CLVS1: variants seen among roughly 807,000 people sequenced by gnomAD.
CLVS1 encodes clavesin 1.
CLVS1 carries 10 observed loss-of-function variants against 33.1 expected under a neutral mutation model. The ratio of observed to expected loss-of-function variants is 0.30; its 90% CI spans 0.19 to 0.51. The LOEUF is 0.51. Ranked by LOEUF, CLVS1 falls within the 20% of genes least tolerant of loss-of-function variation. The probability of loss-of-function intolerance (pLI) is 0.97; values close to 1 mark genes in which losing one functional copy is unlikely to be tolerated. For missense variants in CLVS1, 343 were observed against 433.4 expected (o/e 0.79, Z 1.85); for synonymous variants, 163 against 166.1 (o/e 0.98, Z 0.14).
At chr8:61,036,571 C>T in the CLVS1 span, among the ~76,000 whole-genome samples, 1 of 152,160 alleles carries the variant, frequency 6.6e-6, no homozygotes, top group African/African-American at 2.4e-5. Flanking sequence ...GCTTATTGTC[C>T]TCTCCTCCCC....
At chr8:61,375,442 G>A (rs1813606387) in intron 2 of CLVS1, among the ~76,000 whole-genome samples, 1 of 152,020 alleles carries the variant, frequency 6.6e-6, no homozygotes, top group South Asian at 2.1e-4. Context: ...GTCGAGACGG[G>A]GTTTCACCAT....
chr8:61,326,644 A>T (rs1478562277), intron 2 of CLVS1, among the ~76,000 whole-genome samples: 2 of 152,150 alleles, frequency 1.3e-5, no homozygotes, highest in Non-Finnish European at 2.9e-5. Flanking sequence ...GTCGCCTGAG[A>T]TGGGAGGAAT....
chr8:61,105,891 A>C (rs1805527562), intron 1 of CLVS1, among the ~76,000 whole-genome samples: 1 of 152,032 alleles, frequency 6.6e-6, no homozygotes, highest in Admixed American at 6.5e-5. Context: ...CGTTGAACAC[A>C]ACCGCTCCAG....
intron 1 of CLVS1, among the ~76,000 whole-genome samples, chr8:61,093,284 G>GA (rs1280606780): frequency 1.1e-4 from 16 of 152,046 alleles, no homozygotes. Flanking sequence ...GTTTGTGTGG[G>GA]AAAAATCATA....
the CLVS1 span, among the ~76,000 whole-genome samples, chr8:61,029,291 G>A: frequency 1.2e-4 from 19 of 152,254 alleles, no homozygotes; most frequent in Non-Finnish European, 1.8e-4. Context: ...ACCTGGTGTC[G>A]GTGAGGCATG....
intron 3 of CLVS1, 104 bp downstream of exon 3, chr8:61,376,883 A>G: frequency 9.2e-7 from 1 of 1,089,774 alleles, no homozygotes; most frequent in Non-Finnish European, 1.3e-6. Context: ...GAAAAAGGAA[A>G]CTTGGATTAA....
At chr8:61,313,661 C>T (rs1810918119) in intron 2 of CLVS1, among the ~76,000 whole-genome samples, 1 of 152,104 alleles carries the variant, frequency 6.6e-6, no homozygotes, top group South Asian at 2.1e-4. Context: ...GTGCAGGGGG[C>T]AGTGGTGTCC....
At chr8:61,348,404 A>C (rs1481959266) in intron 2 of CLVS1, among the ~76,000 whole-genome samples, 1 of 152,004 alleles carries the variant, frequency 6.6e-6, no homozygotes, top group Non-Finnish European at 1.5e-5. Context: ...TGGGTGCAGC[A>C]CACCAACATG....
intron 5 of CLVS1, among the ~76,000 whole-genome samples, chr8:61,481,230 A>G (rs1262397980): frequency 6.6e-6 from 1 of 152,028 alleles, no homozygotes; most frequent in Non-Finnish European, 1.5e-5. Flanking sequence ...TGTATAAAAA[A>G]TAAAATAGGG....
At chr8:61,188,500 TAAATA>T (rs147985999) in intron 2 of CLVS1, among the ~76,000 whole-genome samples, 78,099 of 151,506 alleles carry the variant, frequency 0.52, 20,824 homozygotes, top group Middle Eastern at 0.68. Flanking sequence ...AGATTATGCT[TAAATA>T]AATTAGAGAA....
intron 2 of CLVS1, among the ~76,000 whole-genome samples, chr8:61,363,117 C>T (rs1440719244): frequency 6.6e-6 from 1 of 152,102 alleles, no homozygotes; most frequent in African/African-American, 2.4e-5. Flanking sequence ...CCTCTTTTCC[C>T]CTTTGGAAAT....
At chr8:61,484,199 A>G (rs1017612714) in intron 5 of CLVS1, among the ~76,000 whole-genome samples, 22 of 152,188 alleles carry the variant, frequency 1.4e-4, no homozygotes, top group Non-Finnish European at 2.4e-4. Context: ...AAACCCCATC[A>G]TCTCAGCCCT....
intron 5 of CLVS1, among the ~76,000 whole-genome samples, chr8:61,496,277 A>G (rs1270415928): frequency 6.6e-6 from 1 of 152,166 alleles, no homozygotes; most frequent in Non-Finnish European, 1.5e-5. Context: ...GTAAAAGTAG[A>G]TGGCCATCAG....
chr8:61,101,149 C>T (rs1048447954), intron 1 of CLVS1, among the ~76,000 whole-genome samples: 2 of 152,096 alleles, frequency 1.3e-5, no homozygotes, highest in Non-Finnish European at 2.9e-5. Context: ...TACATTTAAA[C>T]ATTTGAAGAA....
Position 61,364,114 on chromosome 8 carries a change from C to T in CLVS1, c.456-12491C>T, listed in dbSNP as rs201872094. Among the ~76,000 whole-genome samples the T allele has an allele frequency of 5.3e-5, 8 of 152,334 alleles. No homozygotes were observed. In the East Asian group the frequency reaches 1.5e-3, roughly 29 times the overall value. ...GTAGCATTTGCAGAAAGCTTTTCTCCTCAGGGGAATATATTTAACCTGGTT... is the reference window on the plus strand; with the variant it reads ...GTAGCATTTGCAGAAAGCTTTTCTCTTCAGGGGAATATATTTAACCTGGTT... On this transcript the variant is annotated intron_variant, in intron 2 of 5. Transcript: ENST00000325897.
chr8:61,269,260 T>G (rs562010310), intron 2 of CLVS1, among the ~76,000 whole-genome samples: 5 of 152,240 alleles, frequency 3.3e-5, no homozygotes, highest in African/African-American at 4.8e-5. Flanking sequence ...CCCACCACCA[T>G]TAGTTAAATA....
chr8:61,012,992 G>A, the CLVS1 span, among the ~76,000 whole-genome samples: 1 of 152,140 alleles, frequency 6.6e-6, no homozygotes, highest in Admixed American at 6.5e-5. Flanking sequence ...TCCTCTCCCT[G>A]ACCTCTGCCT....
intron 2 of CLVS1, among the ~76,000 whole-genome samples, chr8:61,211,816 A>G (rs1420771076): frequency 2.0e-5 from 3 of 152,152 alleles, no homozygotes; most frequent in Non-Finnish European, 4.4e-5. Flanking sequence ...TTCTTATTAT[A>G]GGAGGGAAGC....
intron 3 of CLVS1, among the ~76,000 whole-genome samples, chr8:61,452,817 AG>A (rs1424178298): frequency 6.6e-6 from 1 of 152,246 alleles, no homozygotes; most frequent in Non-Finnish European, 1.5e-5. Context: ...TAAAATGTCT[AG>A]GTAGAGGAAA....
Sources: gnomAD v4.1 joint callset for allele counts (sites outside exome capture counted in the v4.1 genomes callset) on GRCh38, gnomAD v4.1.1 for gene constraint, MANE v1.5 for transcripts, NCBI Gene and HGNC (gene_info 2026-07-23, HGNC 2026-07-21) for gene names.